The following ANKRD30B variants were observed in gnomAD, a reference collection of about 807,000 sequenced individuals.
ANKRD30B encodes ankyrin repeat domain 30B.
In ANKRD30B, 144 loss-of-function variants were observed where a neutral mutation model predicts 202.2. The observed-to-expected ratio is 0.71, with a 90% confidence interval of 0.62 to 0.82. The LOEUF is 0.82. Among genes scored for constraint, ANKRD30B ranks in the 40% least tolerant of loss-of-function variants. The pLI, the probability that ANKRD30B is intolerant of heterozygous loss-of-function variation, is 0.00. For synonymous variants in ANKRD30B, 508 were observed against 561.3 expected, an observed-to-expected ratio of 0.91 and a Z score of 1.34; for missense variants, 1,487 against 1,669.1, an observed-to-expected ratio of 0.89 and a Z score of 1.90.
chr18:14,867,179 C>T, the ANKRD30B span, among the ~76,000 whole-genome samples: 1 of 150,858 alleles, frequency 6.6e-6, no homozygotes, highest in Non-Finnish European at 1.5e-5. Flanking sequence ...TGCTGCAACA[C>T]CCGTGGCAGG....
intron 15 of ANKRD30B, 53 bp downstream of exon 15, chr18:14,787,153 A>G: frequency 6.7e-7 from 1 of 1,483,532 alleles, no homozygotes; most frequent in African/African-American, 1.4e-5. Flanking sequence ...AGATGAAAAC[A>G]TAAAATCAGA....
the ANKRD30B span, among the ~76,000 whole-genome samples, chr18:14,869,794 T>C: frequency 6.6e-6 from 1 of 152,076 alleles, no homozygotes; most frequent in Admixed American, 6.6e-5. Context: ...CATTCTTTAG[T>C]ATGAACTATC....
At chr18:14,889,002 A>G in the ANKRD30B span, 2 of 499,420 alleles carry the variant, frequency 4.0e-6, no homozygotes, top group Admixed American at 4.0e-5. Context: ...ATTGAAACAT[A>G]CACAACTTTT....
chr18:14,849,160 A>C (rs2143253301), intron 40 of ANKRD30B, among the ~76,000 whole-genome samples: 1 of 152,036 alleles, frequency 6.6e-6, no homozygotes, highest in Admixed American at 6.6e-5. Context: ...GAAGGCCATT[A>C]TTTGGAAATA....
intron 34 of ANKRD30B, among the ~76,000 whole-genome samples, chr18:14,836,619 C>G (rs1024503797): frequency 6.6e-6 from 1 of 152,156 alleles, no homozygotes. Context: ...AACTCATCTG[C>G]ATATTGAGTG....
At chr18:14,926,952 T>C in the ANKRD30B span, among the ~76,000 whole-genome samples, 1 of 152,142 alleles carries the variant, frequency 6.6e-6, no homozygotes, top group Non-Finnish European at 1.5e-5. Context: ...TGTGTGTATG[T>C]GTGTGTACTC....
In ANKRD30B at chr18:14,750,732, A is replaced by T. The variant is rs1356054875; in HGVS notation, c.222-1834A>T. The stretch of plus-strand genomic sequence containing the variant: ...AGTTTACAGCATGGGATAATATGTG[A>T]CCACTCAAGGTAGAAACATATACGG... On this transcript the variant is annotated intron_variant, in intron 1 of 43. Transcript: ENST00000690538. Among the ~76,000 whole-genome samples the T allele has an allele frequency of 2.0e-5, 3 of 152,242 alleles. No homozygotes were observed. The East Asian group carries it at 5.8e-4, about 29-fold the overall frequency.
At chr18:14,875,788 T>C in the ANKRD30B span, among the ~76,000 whole-genome samples, 1 of 152,176 alleles carries the variant, frequency 6.6e-6, no homozygotes, top group African/African-American at 2.4e-5. Context: ...CAGGCAAACC[T>C]GGTTTTGAAT....
At chr18:14,805,255 T>G (rs1252951839) in intron 24 of ANKRD30B, among the ~76,000 whole-genome samples, 1 of 151,032 alleles carries the variant, frequency 6.6e-6, no homozygotes, top group East Asian at 1.9e-4. Flanking sequence ...TCTGAATTTA[T>G]GACTTGAATA....
intron 23 of ANKRD30B, 94 bp from the exon 24 acceptor site, chr18:14,803,640 G>A (rs1225615797): frequency 7.0e-7 from 1 of 1,420,864 alleles, no homozygotes; most frequent in Non-Finnish European, 9.7e-7. Flanking sequence ...GTAGGAAACT[G>A]TGTTTTTAGA....
At chr18:14,766,979 T>C (rs1437770355) in intron 7 of ANKRD30B, among the ~76,000 whole-genome samples, 1 of 152,230 alleles carries the variant, frequency 6.6e-6, no homozygotes, top group Non-Finnish European at 1.5e-5. Context: ...TTGTTAAGTA[T>C]ACTGTTGATA....
At chr18:14,797,987 G>T in intron 20 of ANKRD30B, 133 bp downstream of exon 20, 1 of 943,608 alleles carries the variant, frequency 1.1e-6, no homozygotes, top group East Asian at 2.7e-5. Context: ...TAATGCCAAT[G>T]TTAGTATTTA....
At position 14,828,280 on chromosome 18, in the gene ANKRD30B, G is replaced by A. The variant is rs764204078; in HGVS notation, c.2746G>A (p.Asp916Asn). The A allele has an allele frequency of 2.3e-4, 354 of 1,532,180 alleles. No homozygotes were observed. The highest frequency in any genetic ancestry group is 3.0e-4 in the Non-Finnish European group (340 of 1,139,176). The allele number at this position is 1,532,180 out of a possible 1,614,324, so 94.9% of individuals were successfully genotyped here. The change falls in exon 33 of 44, where the codon GAT becomes AAT. Residue 916 changes from aspartate to asparagine, a missense_variant and splice_region_variant. Asp to Asn is a conservative substitution (Grantham distance 23). This residue lies in a region of ANKRD30B where 218 missense variants were observed against 320.1 expected (regional missense o/e 0.68). Transcript: ENST00000690538. ...LKDRETFKAE[D>N]VSSVESTFSL... ...TATTTTACTCTTTTCTTTAATAGAG[G>A]ATGTGAGTTCTGTAGAGTCCACATT...
chr18:14,878,695 G>A, the ANKRD30B span, among the ~76,000 whole-genome samples: 12 of 152,280 alleles, frequency 7.9e-5, no homozygotes, highest in Non-Finnish European at 1.5e-4. Flanking sequence ...AGGACAAAAG[G>A]GGTGCTTCTT....
chr18:14,773,584 AAAG>A (rs1484464906), intron 9 of ANKRD30B, among the ~76,000 whole-genome samples: 2 of 152,174 alleles, frequency 1.3e-5, no homozygotes, highest in Non-Finnish European at 2.9e-5. Context: ...AGTAAATAGG[AAAG>A]AAGATTACAC....
chr18:14,917,471 T>C, the ANKRD30B span, among the ~76,000 whole-genome samples: 1 of 152,210 alleles, frequency 6.6e-6, no homozygotes, highest in South Asian at 2.1e-4. Flanking sequence ...CTTCCCTGCC[T>C]GCAGACACGG....
At chr18:14,771,847 T>C (rs569595520) in intron 8 of ANKRD30B, among the ~76,000 whole-genome samples, 40 of 152,354 alleles carry the variant, frequency 2.6e-4, no homozygotes, top group African/African-American at 8.2e-4. Flanking sequence ...TTTGTGAGGA[T>C]GAATTATACT....
chr18:14,892,772 G>T, the ANKRD30B span, among the ~76,000 whole-genome samples: 6 of 123,640 alleles, frequency 4.9e-5, no homozygotes, highest in South Asian at 2.9e-4. Context: ...AAAAAAATTA[G>T]TTGGGCATGG....
intron 34 of ANKRD30B, among the ~76,000 whole-genome samples, chr18:14,836,979 CTTAT>C (rs2143141005): frequency 6.6e-6 from 1 of 152,196 alleles, no homozygotes; most frequent in South Asian, 2.1e-4. Context: ...CTTTTCTGTT[CTTAT>C]TTGTTTTCAC....
Sources: gnomAD v4.1 joint callset for allele counts (sites outside exome capture counted in the v4.1 genomes callset) on GRCh38, gnomAD v4.1.1 for gene constraint, gnomAD v4.1.1 regional missense constraint, MANE v1.5 for transcripts, NCBI Gene and HGNC (gene_info 2026-07-23, HGNC 2026-07-21) for gene names.